TNS3: variants seen among roughly 807,000 people sequenced by gnomAD.
TNS3 encodes the protein tensin 3, also known as tensin-3.
TNS3 carries 45 observed loss-of-function variants against 140.9 expected under a neutral mutation model. The observed-to-expected ratio is 0.32, with a 90% CI of 0.25 to 0.41. TNS3 has a LOEUF of 0.41. Among genes scored for constraint, TNS3 ranks in the 10% least tolerant of loss-of-function variants. TNS3 has a pLI of 1.00. For synonymous variants in TNS3, 815 were observed against 788.4 expected, an observed-to-expected ratio of 1.03 and a Z score of -0.56; for missense variants, 1,716 against 1,906.7, an observed-to-expected ratio of 0.90 and a Z score of 1.86.
At chr7:47,377,125 A>T (rs982217999) in intron 16 of TNS3, among the ~76,000 whole-genome samples, 3 of 152,202 alleles carry the variant, frequency 2.0e-5, no homozygotes, top group Admixed American at 6.5e-5. Context: ...CAAATGACTC[A>T]CTTGGGGCCG....
chr7:47,327,070 A>G (rs1345519875), intron 20 of TNS3, among the ~76,000 whole-genome samples: 1 of 152,188 alleles, frequency 6.6e-6, no homozygotes, highest in Non-Finnish European at 1.5e-5. Flanking sequence ...GCAGATGCCC[A>G]GGAGGCCCAC....
At chr7:47,302,088 G>A in intron 23 of TNS3, 98 bp downstream of exon 23, 1 of 975,750 alleles carries the variant, frequency 1.0e-6, no homozygotes, top group Non-Finnish European at 1.6e-6. Flanking sequence ...GAAGGCCACG[G>A]CTGCCCGATG....
chr7:47,562,844 A>G lies in TNS3; in HGVS notation c.-265+19207T>C, dbSNP rs200379074. On this transcript the variant is annotated intron_variant, in intron 1 of 30. Transcript: ENST00000311160. Reference sequence around the variant, plus strand: ...AGTCAGTCTCTTGGCTGTGCATGGGAAAAAGACTTTTCTCTCTGAAGATGA... The same window carrying G: ...AGTCAGTCTCTTGGCTGTGCATGGGGAAAAGACTTTTCTCTCTGAAGATGA... 1.1e-4 allele frequency among the ~76,000 whole-genome samples: 17 copies of G among 152,290 alleles called. No individual in the cohort carries two copies. The East Asian group carries it at 2.1e-3, about 19-fold the overall frequency.
rs1784884889 is a variant in TNS3, at chr7:47,276,729, C to T, written c.*1347G>A. 1 of 152,198 alleles carries T rather than the reference C, an allele frequency of 6.6e-6. No homozygotes were observed. The highest frequency in any genetic ancestry group is 1.5e-5 in the Non-Finnish European group (1 of 68,040). The allele number at this position is 152,198 out of a possible 1,614,324, so 9.4% of individuals were successfully genotyped here. A position where few individuals can be genotyped will look rare whatever the true frequency, so the allele number is the denominator to read the frequency against. ...GGAATGTTGAAATAAGCCTGAAATA[C>T]ACTTGATTCAGTGGCTTAGATGATG... On this transcript the variant is annotated 3_prime_UTR_variant, in exon 31 of 31. Transcript: ENST00000311160.
chr7:47,412,073 T>C (rs886293641), intron 12 of TNS3, among the ~76,000 whole-genome samples: 5 of 152,118 alleles, frequency 3.3e-5, no homozygotes, highest in African/African-American at 9.7e-5. Context: ...GAGACGACCA[T>C]GCAGGCTTAG....
At chr7:47,292,935 TCAA>T in intron 25 of TNS3, 30 bp from the exon 26 acceptor site, 1 of 1,602,126 alleles carries the variant, frequency 6.2e-7, no homozygotes, top group Non-Finnish European at 8.5e-7. Context: ...CAAACAAGAG[TCAA>T]CAACTGCTGT....
intron 28 of TNS3, among the ~76,000 whole-genome samples, 161 bp downstream of exon 28, chr7:47,283,536 G>A (rs542410612): frequency 8.5e-5 from 13 of 152,292 alleles, no homozygotes; most frequent in African/African-American, 2.9e-4. Context: ...TTCCCAGGAC[G>A]TATTTAATGA....
chr7:47,320,470 A>G (rs529192402), intron 20 of TNS3, among the ~76,000 whole-genome samples: 1 of 152,198 alleles, frequency 6.6e-6, no homozygotes, highest in Non-Finnish European at 1.5e-5. Context: ...GACTGAACCA[A>G]CAGAAATGTA....
At chr7:47,340,102 TATATATATATATA>T (rs1788887364) in intron 20 of TNS3, among the ~76,000 whole-genome samples, 1 of 34,660 alleles carries the variant, frequency 2.9e-5, no homozygotes, top group Non-Finnish European at 7.2e-5. Context: ...CATATATATA[TATATATATATATA>T]TTTTTTTTTT....
chr7:47,339,278 T>C (rs986173276), intron 20 of TNS3, among the ~76,000 whole-genome samples: 2 of 152,232 alleles, frequency 1.3e-5, no homozygotes, highest in African/African-American at 4.8e-5. Context: ...ACTCTTTGCC[T>C]AGTGATCCCA....
chr7:47,405,556 T>C (rs750214291), intron 13 of TNS3: 6 of 702,924 alleles, frequency 8.5e-6, no homozygotes, highest in African/African-American at 7.0e-5. Flanking sequence ...TTGTAATTCA[T>C]GACCTAAAGC....
Position 47,491,275 on chromosome 7 carries a change from G to A in TNS3, c.-114-10134C>T, listed in dbSNP as rs555719086. ...ATGTATTTTAAACCATATATATACT[G>A]TTTCAAGCCCCAGAGTGACTGGACA... On this transcript the variant is annotated intron_variant, in intron 3 of 30. Coordinates refer to ENST00000311160, the MANE Select transcript of TNS3 (RefSeq NM_022748.12). Among the ~76,000 whole-genome samples, 22 of 152,308 alleles carry A rather than the reference G, an allele frequency of 1.4e-4. No individual in the cohort carries two copies. In the South Asian group the frequency reaches 2.3e-3, roughly 16 times the overall value.
At chr7:47,298,867 C>A (rs1324695175) in intron 23 of TNS3, among the ~76,000 whole-genome samples, 4 of 152,262 alleles carry the variant, frequency 2.6e-5, no homozygotes, top group African/African-American at 9.6e-5. Context: ...AGGAGCTCAA[C>A]ATGCCCCTGG....
chr7:47,489,426 T>A (rs537344674), intron 3 of TNS3, among the ~76,000 whole-genome samples: 4 of 152,204 alleles, frequency 2.6e-5, no homozygotes, highest in Admixed American at 6.5e-5. Flanking sequence ...CTCTATGGAA[T>A]CTAATAATTT....
intron 23 of TNS3, 137 bp downstream of exon 23, chr7:47,302,049 T>C (rs1437150562): frequency 3.0e-6 from 2 of 675,836 alleles, no homozygotes; most frequent in Non-Finnish European, 5.2e-6. Flanking sequence ...TGGAATAACG[T>C]GTGGGCCCTG....
At chr7:47,465,310 T>C (rs1010685013) in intron 4 of TNS3, among the ~76,000 whole-genome samples, 53 of 152,116 alleles carry the variant, frequency 3.5e-4, no homozygotes, top group African/African-American at 1.2e-3. Context: ...GTGGGAAAAG[T>C]CTTAAGCCAT....
chr7:47,340,867 C>T (rs1420991577), intron 20 of TNS3, among the ~76,000 whole-genome samples: 4 of 152,164 alleles, frequency 2.6e-5, no homozygotes, highest in African/African-American at 7.2e-5. Flanking sequence ...AGAGTGCTGT[C>T]AGCTGTGGGG....
At chr7:47,520,224 C>T (rs927830872) in intron 2 of TNS3, among the ~76,000 whole-genome samples, 2 of 152,172 alleles carry the variant, frequency 1.3e-5, no homozygotes, top group East Asian at 1.9e-4. Context: ...TCCCTGGCTT[C>T]GAGGATGTGG....
At chr7:47,521,013 A>G (rs1028154569) in intron 2 of TNS3, among the ~76,000 whole-genome samples, 10 of 152,230 alleles carry the variant, frequency 6.6e-5, no homozygotes, top group African/African-American at 1.9e-4. Flanking sequence ...TTGTCATGCA[A>G]CTTACATTCC....
Sources: allele counts gnomAD v4.1 joint callset (sites outside exome capture counted in the v4.1 genomes callset), GRCh38; gene constraint gnomAD v4.1.1; transcripts MANE v1.5; gene names NCBI Gene and HGNC (gene_info 2026-07-23, HGNC 2026-07-21).